The following TENM3 variants were observed in gnomAD, a reference collection of about 807,000 sequenced individuals.
TENM3 encodes teneurin-3.
A neutral mutation model predicts 255.1 loss-of-function variants in TENM3; 63 were observed. The ratio of observed to expected loss-of-function variants is 0.25; its 90% CI spans 0.20 to 0.30. The LOEUF is 0.30. Among genes scored for constraint, TENM3 ranks in the 10% least tolerant of loss-of-function variants. The pLI is 1.00. For synonymous variants in TENM3, 1,306 were observed against 1,322.3 expected (o/e 0.99, Z 0.27); for missense variants, 2,929 against 3,461.1 (o/e 0.85, Z 3.86).
the TENM3 span, among the ~76,000 whole-genome samples, chr4:182,072,871 C>A: frequency 2.6e-5 from 4 of 152,168 alleles, no homozygotes; most frequent in South Asian, 6.2e-4. Flanking sequence ...AAGCCCTAAC[C>A]CCCAACATGA....
intron 4 of TENM3, among the ~76,000 whole-genome samples, chr4:182,606,734 T>C (rs1023060851): frequency 2.2e-4 from 33 of 152,302 alleles, no homozygotes; most frequent in African/African-American, 7.7e-4. Context: ...AAGCCCTATT[T>C]TTTAATGTGA....
At chr4:181,509,331 T>C in the TENM3 span, among the ~76,000 whole-genome samples, 1 of 152,112 alleles carries the variant, frequency 6.6e-6, no homozygotes, top group Non-Finnish European at 1.5e-5. Context: ...GAAATGAATG[T>C]TTTCTTGGAT....
At chr4:182,689,774 G>A (rs1007138632) in intron 12 of TENM3, among the ~76,000 whole-genome samples, 1 of 152,190 alleles carries the variant, frequency 6.6e-6, no homozygotes, top group South Asian at 2.1e-4. Flanking sequence ...GAGGCCTGTG[G>A]GCCGTATGCG....
the TENM3 span, among the ~76,000 whole-genome samples, chr4:181,453,139 CA>C: frequency 6.6e-6 from 1 of 152,206 alleles, no homozygotes; most frequent in Non-Finnish European, 1.5e-5. Context: ...AATAGCTGTG[CA>C]AGGAACAAAG....
At chr4:182,569,856 T>C in intron 3 of TENM3, among the ~76,000 whole-genome samples, 1 of 146,172 alleles carries the variant, frequency 6.8e-6, no homozygotes, top group East Asian at 2.0e-4. Context: ...AGGGCATTCA[T>C]GTCTTTCTGG....
At chr4:181,877,614 A>G in the TENM3 span, among the ~76,000 whole-genome samples, 4 of 152,246 alleles carry the variant, frequency 2.6e-5, no homozygotes, top group East Asian at 1.9e-4. Context: ...TAGCAGCTCC[A>G]TGATGTCACT....
At chr4:182,727,709 T>G (rs1760332465) in intron 13 of TENM3, among the ~76,000 whole-genome samples, 1 of 152,168 alleles carries the variant, frequency 6.6e-6, no homozygotes, top group African/African-American at 2.4e-5. Context: ...CATGATGGAT[T>G]TCTTATTATT....
chr4:182,624,582 C>A (rs1256669309), intron 4 of TENM3, among the ~76,000 whole-genome samples: 1 of 152,208 alleles, frequency 6.6e-6, no homozygotes, highest in African/African-American at 2.4e-5. Context: ...CCCTCAGGTT[C>A]TCCACCTGCT....
chr4:181,464,190 G>A, the TENM3 span, among the ~76,000 whole-genome samples: 8 of 152,146 alleles, frequency 5.3e-5, no homozygotes, highest in South Asian at 8.3e-4. Context: ...ACTGACTCAC[G>A]TGGCAAATCA....
intron 1 of TENM3, among the ~76,000 whole-genome samples, chr4:182,160,819 G>A (rs1751096835): frequency 6.6e-6 from 1 of 152,098 alleles, no homozygotes; most frequent in Non-Finnish European, 1.5e-5. Flanking sequence ...TATAAGAGAG[G>A]AGTTTAAATG....
chr4:181,857,343 G>A, the TENM3 span, among the ~76,000 whole-genome samples: 1 of 151,860 alleles, frequency 6.6e-6, no homozygotes, highest in African/African-American at 2.4e-5. Context: ...GTGGCTGGAG[G>A]GGGCAGGTGA....
At chr4:181,707,139 C>A in the TENM3 span, among the ~76,000 whole-genome samples, 2 of 152,158 alleles carry the variant, frequency 1.3e-5, no homozygotes, top group South Asian at 4.1e-4. Flanking sequence ...AGGGGACTTG[C>A]ATTTTTCTAC....
At chr4:181,650,860 TTTTC>T in the TENM3 span, among the ~76,000 whole-genome samples, 3 of 152,250 alleles carry the variant, frequency 2.0e-5, no homozygotes, top group Non-Finnish European at 4.4e-5. Context: ...AGAACAGTTG[TTTTC>T]TTTATCTTCC....
the TENM3 span, among the ~76,000 whole-genome samples, chr4:181,964,607 C>A: frequency 0.01 from 1,548 of 152,014 alleles, 25 homozygotes; most frequent in South Asian, 0.059. Context: ...AAAAAAATAG[C>A]CATTCTGATC....
At chr4:181,648,100 G>C in the TENM3 span, among the ~76,000 whole-genome samples, 80 of 152,256 alleles carry the variant, frequency 5.3e-4, 2 homozygotes, top group South Asian at 0.017. Context: ...TATGATGGGG[G>C]ACTTGCGTCT....
chr4:181,867,189 C>T, the TENM3 span, among the ~76,000 whole-genome samples: 27 of 152,262 alleles, frequency 1.8e-4, no homozygotes, highest in African/African-American at 6.5e-4. Flanking sequence ...GTGACTTAAT[C>T]GCTACTCTCA....
chr4:182,259,316 GT>G (rs1040501371), intron 1 of TENM3, among the ~76,000 whole-genome samples: 4 of 152,164 alleles, frequency 2.6e-5, no homozygotes, highest in Middle Eastern at 3.4e-3. Flanking sequence ...CCTTTATTAT[GT>G]ATTTATTTAT....
At chr4:182,290,916 G>T (rs964674179) in intron 1 of TENM3, among the ~76,000 whole-genome samples, 4 of 151,964 alleles carry the variant, frequency 2.6e-5, no homozygotes, top group Non-Finnish European at 5.9e-5. Context: ...CATTTCCCGG[G>T]TTCAAGACAT....
chr4:182,724,421 C>G (rs1201030602), intron 13 of TENM3, among the ~76,000 whole-genome samples: 1 of 152,210 alleles, frequency 6.6e-6, no homozygotes, highest in Non-Finnish European at 1.5e-5. Flanking sequence ...AGATTCATAA[C>G]CATCCGTCAC....
Sources: gnomAD v4.1 joint callset for allele counts (sites outside exome capture counted in the v4.1 genomes callset) on GRCh38, gnomAD v4.1.1 for gene constraint, MANE v1.5 for transcripts, NCBI Gene and HGNC (gene_info 2026-07-23, HGNC 2026-07-21) for gene names.